Variants in ATP6V0A1 observed in about 807,000 individuals in gnomAD.
The protein encoded by ATP6V0A1 is ATPase H+ transporting V0 subunit a1.
Under a neutral mutation model 105.4 loss-of-function variants are expected in ATP6V0A1, and 43 were observed. The observed-to-expected ratio is 0.41, with a 90% CI of 0.32 to 0.53. The LOEUF (loss-of-function observed/expected upper bound fraction) is 0.53, where lower values mean the gene tolerates loss of function less well. Ranked by LOEUF, ATP6V0A1 falls within the 20% of genes least tolerant of loss-of-function variation. ATP6V0A1 has a pLI of 0.30. For missense variants in ATP6V0A1, 676 were observed against 1,051.1 expected, an observed-to-expected ratio of 0.64 and a Z score of 4.93; for synonymous variants, 362 against 372.8, an observed-to-expected ratio of 0.97 and a Z score of 0.33.
intron 4 of ATP6V0A1, among the ~76,000 whole-genome samples, chr17:42,469,742 A>G (rs1351825331): frequency 6.6e-6 from 1 of 152,072 alleles, no homozygotes; most frequent in Non-Finnish European, 1.5e-5. Flanking sequence ...TCCCGGGTTC[A>G]AGTGATTCTC....
chr17:42,485,134 G>A (rs1367562299), intron 9 of ATP6V0A1, among the ~76,000 whole-genome samples: 3 of 152,150 alleles, frequency 2.0e-5, no homozygotes, highest in Non-Finnish European at 2.9e-5. Flanking sequence ...ACAGGTATGA[G>A]CCACCGTGCC....
intron 17 of ATP6V0A1, among the ~76,000 whole-genome samples, chr17:42,505,646 C>G (rs1312548127): frequency 6.6e-6 from 1 of 152,032 alleles, no homozygotes; most frequent in Non-Finnish European, 1.5e-5. Flanking sequence ...CTGACTATCA[C>G]TCTTTTTTAT....
intron 17 of ATP6V0A1, among the ~76,000 whole-genome samples, chr17:42,505,535 T>C (rs534544600): frequency 4.6e-4 from 70 of 152,250 alleles, no homozygotes; most frequent in African/African-American, 1.7e-3. Context: ...AGACGGGGTT[T>C]CACCATGTTG....
chr17:42,482,346 C>A (rs937001833), intron 8 of ATP6V0A1, among the ~76,000 whole-genome samples: 1 of 151,824 alleles, frequency 6.6e-6, no homozygotes, highest in African/African-American at 2.4e-5. Context: ...GAGGTTTCAC[C>A]ATGTTGCTCA....
chr17:42,482,957 G>T, intron 8 of ATP6V0A1, 81 bp from the exon 9 acceptor site: 1 of 921,194 alleles, frequency 1.1e-6, no homozygotes, highest in Non-Finnish European at 1.5e-6. Flanking sequence ...TCCTGTTTTG[G>T]TCCTTCTGGT....
At chr17:42,503,215 A>G (rs1045724041) in intron 17 of ATP6V0A1, among the ~76,000 whole-genome samples, 1 of 152,200 alleles carries the variant, frequency 6.6e-6, no homozygotes, top group Non-Finnish European at 1.5e-5. Context: ...CATGTATTGG[A>G]TGATTTTTCA....
At chr17:42,500,996 A>G (rs2091622145) in intron 16 of ATP6V0A1, 73 bp downstream of exon 16, 14 of 1,492,254 alleles carry the variant, frequency 9.4e-6, no homozygotes, top group Non-Finnish European at 1.3e-5. Flanking sequence ...CTCTGACCCT[A>G]AAAAATTTAT....
chr17:42,464,449 C>T (rs2086795727), intron 2 of ATP6V0A1, among the ~76,000 whole-genome samples: 1 of 151,744 alleles, frequency 6.6e-6, no homozygotes, highest in Admixed American at 6.6e-5. Context: ...GTCACCCAGG[C>T]TGGAGTGCAG....
chr17:42,517,223 T>C (rs565213288), intron 21 of ATP6V0A1, among the ~76,000 whole-genome samples: 5 of 152,068 alleles, frequency 3.3e-5, no homozygotes, highest in African/African-American at 1.2e-4. Flanking sequence ...GAGGTTGCAG[T>C]GAGCCAAGAT....
chr17:42,507,769 G>A, intron 18 of ATP6V0A1, 142 bp downstream of exon 18: 4 of 730,268 alleles, frequency 5.5e-6, no homozygotes, highest in Non-Finnish European at 9.4e-6. Context: ...GACCTCTTAG[G>A]GCACCACAGC....
At chr17:42,507,355 G>T in intron 17 of ATP6V0A1, 165 bp from the exon 18 acceptor site, 1 of 564,340 alleles carries the variant, frequency 1.8e-6, no homozygotes, top group Non-Finnish European at 3.2e-6. Flanking sequence ...TGGTTGGGGT[G>T]GAACAGTTGT....
intron 11 of ATP6V0A1, among the ~76,000 whole-genome samples, chr17:42,491,734 C>G (rs1287446290): frequency 6.6e-6 from 1 of 152,202 alleles, no homozygotes; most frequent in Non-Finnish European, 1.5e-5. Flanking sequence ...CTGCCTGCCT[C>G]TGCCTCCCCA....
intron 15 of ATP6V0A1, 53 bp from the exon 16 acceptor site, chr17:42,500,654 G>C: frequency 7.1e-7 from 1 of 1,409,496 alleles, no homozygotes; most frequent in East Asian, 2.3e-5. Context: ...ATTCAGTGTA[G>C]GAGTGGCCCT....
chr17:42,501,194 C>A lies in ATP6V0A1; in HGVS notation c.1897-3C>A. On this transcript the variant is annotated splice_polypyrimidine_tract_variant and splice_region_variant and intron_variant, in intron 16 of 21. Transcript: ENST00000343619. Reference sequence around the variant, plus strand: ...GTACCTTGTCCTTCTTCTTACTCTGCAGAAAGGAATTCAGTGTTTCCTGGT... The same window carrying A: ...GTACCTTGTCCTTCTTCTTACTCTGAAGAAAGGAATTCAGTGTTTCCTGGT... 1 of 1,609,724 alleles carries A rather than the reference C, an allele frequency of 6.2e-7. No homozygotes were observed. Among genetic ancestry groups the A allele is most frequent in the Non-Finnish European group, 8.5e-7 (1 of 1,176,734 alleles).
intron 2 of ATP6V0A1, among the ~76,000 whole-genome samples, chr17:42,462,156 A>C (rs975459549): frequency 6.7e-6 from 1 of 149,372 alleles, no homozygotes; most frequent in Non-Finnish European, 1.5e-5. Context: ...TCGAGGCTGT[A>C]GTGAGCTGTG....
In ATP6V0A1 at chr17:42,501,375, G is replaced by A. The variant is rs1448745155; in HGVS notation, c.2004+71G>A. The A allele has an allele frequency of 4.5e-6, 5 of 1,100,324 alleles. No homozygotes were observed. In the Admixed American group the frequency reaches 8.2e-5, roughly 18 times the overall value. The allele number at this position is 1,100,324 out of a possible 1,614,324, so 68.2% of individuals were successfully genotyped here. A position where few individuals can be genotyped will look rare whatever the true frequency, so the allele number is the denominator to read the frequency against. On this transcript the variant is annotated intron_variant, in intron 17 of 21. Transcript: ENST00000343619. ...TCAAGATCAAGGCAATTCCCCAGTGGATATAATTAATTGTGCACAAATCTA... is the reference window on the plus strand; with the variant it reads ...TCAAGATCAAGGCAATTCCCCAGTGAATATAATTAATTGTGCACAAATCTA...
intron 14 of ATP6V0A1, among the ~76,000 whole-genome samples, 182 bp from the exon 15 acceptor site, chr17:42,498,742 C>T (rs36020435): frequency 3.9e-5 from 6 of 152,066 alleles, no homozygotes; most frequent in African/African-American, 9.7e-5. Flanking sequence ...AGGAGAATGG[C>T]GTGAACCCGG....
At chr17:42,514,605 C>A in intron 21 of ATP6V0A1, 145 bp downstream of exon 21, 1 of 818,332 alleles carries the variant, frequency 1.2e-6, no homozygotes, top group South Asian at 2.3e-5. Flanking sequence ...CAGGACACCC[C>A]AGCACCGGCA....
chr17:42,498,431 T>C (rs1006518691), intron 14 of ATP6V0A1, among the ~76,000 whole-genome samples: 1 of 151,978 alleles, frequency 6.6e-6, no homozygotes, highest in Non-Finnish European at 1.5e-5. Context: ...AAAAAAAAAA[T>C]TTTGTCGAAG....
Sources: gnomAD v4.1 joint callset for allele counts (sites outside exome capture counted in the v4.1 genomes callset) on GRCh38, gnomAD v4.1.1 for gene constraint, MANE v1.5 for transcripts, NCBI Gene and HGNC (gene_info 2026-07-23, HGNC 2026-07-21) for gene names.